Variants in RGS6 observed in about 807,000 individuals in gnomAD.
RGS6 encodes the protein regulator of G protein signaling 6, also known as regulator of G-protein signaling 6.
RGS6 carries 30 observed loss-of-function variants against 78.5 expected under a neutral mutation model. The ratio of observed to expected loss-of-function variants is 0.38; its 90% CI spans 0.29 to 0.52. RGS6 has a LOEUF of 0.52. RGS6 is among the 20% of genes least tolerant of loss of function. RGS6 has a pLI of 0.85. For missense variants in RGS6, 495 were observed against 609.7 expected (o/e 0.81, Z 1.98); for synonymous variants, 206 against 206.0 (o/e 1.00, Z 0.00).
the RGS6 span, among the ~76,000 whole-genome samples, chr14:72,604,866 TAGTC>T: frequency 1.3e-5 from 2 of 152,084 alleles, no homozygotes; most frequent in Non-Finnish European, 2.9e-5. Flanking sequence ...GTTTGGCAAA[TAGTC>T]AGTCCCCTGC....
chr14:72,001,788 C>A (rs951836539), intron 2 of RGS6, among the ~76,000 whole-genome samples: 2 of 151,884 alleles, frequency 1.3e-5, no homozygotes, highest in African/African-American at 4.8e-5. Context: ...ACCTAAAGGG[C>A]CCTAAGTTAC....
chr14:72,425,446 G>GA (rs1364119658), intron 3 of RGS6, among the ~76,000 whole-genome samples: 1 of 152,158 alleles, frequency 6.6e-6, no homozygotes, highest in Non-Finnish European at 1.5e-5. Context: ...GCCAGAAGGG[G>GA]AAAATCTTAT....
At chr14:72,493,435 CAAAA>C (rs932217172) in intron 12 of RGS6, among the ~76,000 whole-genome samples, 2 of 150,474 alleles carry the variant, frequency 1.3e-5, no homozygotes, top group African/African-American at 4.9e-5. Flanking sequence ...GAGAGTTTAA[CAAAA>C]AGACAAGGAG....
chr14:72,502,431 C>CT (rs2096739364), intron 13 of RGS6, among the ~76,000 whole-genome samples: 1 of 152,138 alleles, frequency 6.6e-6, no homozygotes, highest in African/African-American at 2.4e-5. Context: ...TAATAAATGG[C>CT]TTTTTTAAGC....
At chr14:72,374,250 C>G (rs1420188271) in intron 3 of RGS6, among the ~76,000 whole-genome samples, 1 of 150,696 alleles carries the variant, frequency 6.6e-6, no homozygotes, top group Non-Finnish European at 1.5e-5. Context: ...TCCCCCCACC[C>G]CACGACAGGC....
At chr14:72,507,892 G>A (rs2096828817) in intron 13 of RGS6, among the ~76,000 whole-genome samples, 1 of 152,224 alleles carries the variant, frequency 6.6e-6, no homozygotes, top group South Asian at 2.1e-4. Context: ...TTGGCAGAAA[G>A]AGACAATGTC....
At chr14:72,151,608 C>A (rs1227262028) in intron 2 of RGS6, among the ~76,000 whole-genome samples, 1 of 152,158 alleles carries the variant, frequency 6.6e-6, no homozygotes, top group Non-Finnish European at 1.5e-5. Flanking sequence ...CCATTTTCCC[C>A]ACTCTTACAG....
chr14:72,300,412 C>G (rs1162073452), intron 2 of RGS6, among the ~76,000 whole-genome samples: 2 of 152,116 alleles, frequency 1.3e-5, no homozygotes, highest in African/African-American at 4.8e-5. Flanking sequence ...GACAGGAAAC[C>G]AGTGGGAAGG....
intron 2 of RGS6, among the ~76,000 whole-genome samples, chr14:72,141,310 C>G (rs146194193): frequency 6.6e-6 from 1 of 152,270 alleles, no homozygotes; most frequent in Non-Finnish European, 1.5e-5. Flanking sequence ...GAACTCCAAT[C>G]TTCATGCAGA....
chr14:72,207,305 T>C (rs560508588), intron 2 of RGS6, among the ~76,000 whole-genome samples: 2 of 152,346 alleles, frequency 1.3e-5, no homozygotes, highest in South Asian at 4.1e-4. Context: ...CCAGTAGATA[T>C]TCAGTTATAT....
At chr14:72,362,231 A>G (rs2081593000) in intron 3 of RGS6, among the ~76,000 whole-genome samples, 1 of 152,226 alleles carries the variant, frequency 6.6e-6, no homozygotes, top group Non-Finnish European at 1.5e-5. Context: ...AATGATTTAT[A>G]TGAGCTATGT....
intron 1 of RGS6, among the ~76,000 whole-genome samples, chr14:71,961,812 A>G (rs946526868): frequency 2.0e-5 from 3 of 152,176 alleles, no homozygotes; most frequent in Admixed American, 6.5e-5. Context: ...GTGTGTATAT[A>G]TATGTATATA....
In RGS6 at chr14:72,036,419, C is replaced by T. The variant is rs529471389; in HGVS notation, c.84+71544C>T. 2.0e-5 allele frequency among the ~76,000 whole-genome samples: 3 copies of T among 152,028 alleles called. No homozygotes were observed. In the East Asian group the frequency reaches 5.8e-4, roughly 29 times the overall value. ...TCATATTGTAATGCTTAGGTAATTCCTAGAAGTAAGGTTGCTGAGTCAACC... is the reference window on the plus strand; with the variant it reads ...TCATATTGTAATGCTTAGGTAATTCTTAGAAGTAAGGTTGCTGAGTCAACC... On this transcript the variant is annotated intron_variant, in intron 2 of 17. Transcript: ENST00000553525.
chr14:72,612,993 C>CGTGTGTGT, the RGS6 span, among the ~76,000 whole-genome samples: 8,859 of 148,840 alleles, frequency 0.06, 306 homozygotes, highest in East Asian at 0.084. Context: ...TTAAGTAGGG[C>CGTGTGTGT]GTGTGTGTGT....
At chr14:72,230,203 G>A (rs186038488) in intron 2 of RGS6, among the ~76,000 whole-genome samples, 6 of 152,326 alleles carry the variant, frequency 3.9e-5, no homozygotes, top group Middle Eastern at 6.8e-3. Flanking sequence ...TGGATCTAGC[G>A]TCTTCTCCTG....
intron 3 of RGS6, among the ~76,000 whole-genome samples, chr14:72,443,906 G>A (rs752038937): frequency 3.9e-5 from 6 of 152,142 alleles, no homozygotes; most frequent in African/African-American, 7.2e-5. Context: ...GAACAGAAAC[G>A]ATGTCCACAG....
intron 3 of RGS6, among the ~76,000 whole-genome samples, chr14:72,393,670 A>G (rs1441632829): frequency 1.3e-5 from 2 of 152,146 alleles, no homozygotes; most frequent in East Asian, 3.8e-4. Flanking sequence ...GTGTTCCAAG[A>G]ATGGGATGAC....
At chr14:72,112,893 AAC>A (rs1463242889) in intron 2 of RGS6, among the ~76,000 whole-genome samples, 1 of 152,180 alleles carries the variant, frequency 6.6e-6, no homozygotes, top group Non-Finnish European at 1.5e-5. Context: ...GAATATAAGA[AAC>A]ACACAGGGGG....
intron 3 of RGS6, among the ~76,000 whole-genome samples, chr14:72,436,410 C>A (rs578094521): frequency 6.6e-6 from 1 of 151,952 alleles, no homozygotes; most frequent in African/African-American, 2.4e-5. Context: ...TGGATATGAC[C>A]ATTGCTCAGA....
Sources: allele counts gnomAD v4.1 joint callset (sites outside exome capture counted in the v4.1 genomes callset), GRCh38; gene constraint gnomAD v4.1.1; transcripts MANE v1.5; gene names NCBI Gene and HGNC (gene_info 2026-07-23, HGNC 2026-07-21).